NXPH1: variants seen among roughly 807,000 people sequenced by gnomAD.
NXPH1 encodes neurexophilin-1.
NXPH1 carries 5 observed loss-of-function variants against 23.7 expected under a neutral mutation model. That is an observed-to-expected ratio of 0.21 (90% CI 0.11 to 0.44). The LOEUF (loss-of-function observed/expected upper bound fraction) is 0.44, where lower values mean the gene tolerates loss of function less well. Ranked by LOEUF, NXPH1 falls within the 20% of genes least tolerant of loss-of-function variation. The pLI is 0.99. For synonymous variants in NXPH1, 144 were observed against 122.2 expected (o/e 1.18, Z -1.18); for missense variants, 324 against 321.6 (o/e 1.01, Z -0.06).
At chr7:8,719,595 A>C (rs1431035776) in intron 2 of NXPH1, among the ~76,000 whole-genome samples, 1 of 152,200 alleles carries the variant, frequency 6.6e-6, no homozygotes, top group African/African-American at 2.4e-5. Flanking sequence ...AAAAGATAAC[A>C]GTGTTCTGGT....
chr7:8,490,437 A>C (rs1817230081), intron 2 of NXPH1, among the ~76,000 whole-genome samples: 1 of 151,714 alleles, frequency 6.6e-6, no homozygotes, highest in Non-Finnish European at 1.5e-5. Context: ...GCAAATTGTA[A>C]ATTTAATTAG....
At chr7:8,546,084 C>G (rs1252671533) in intron 2 of NXPH1, among the ~76,000 whole-genome samples, 1 of 151,400 alleles carries the variant, frequency 6.6e-6, no homozygotes, top group Non-Finnish European at 1.5e-5. Flanking sequence ...TAAATTTGCT[C>G]TTAGTGTGTA....
chr7:8,501,747 A>G (rs1817438861), intron 2 of NXPH1, among the ~76,000 whole-genome samples: 1 of 152,088 alleles, frequency 6.6e-6, no homozygotes, highest in African/African-American at 2.4e-5. Context: ...AATGAAGAAA[A>G]TGAAAACCAG....
intron 2 of NXPH1, among the ~76,000 whole-genome samples, chr7:8,642,849 CT>C (rs199774206): frequency 3.4e-5 from 5 of 149,136 alleles, no homozygotes; most frequent in East Asian, 2.0e-4. Flanking sequence ...TGGGCATATA[CT>C]TTTTTTTTTC....
intron 2 of NXPH1, among the ~76,000 whole-genome samples, chr7:8,617,456 A>G (rs1819769161): frequency 1.3e-5 from 2 of 152,124 alleles, no homozygotes; most frequent in Non-Finnish European, 2.9e-5. Flanking sequence ...TATATATACA[A>G]TGGAGTACTA....
At chr7:8,611,620 A>G (rs1352653766) in intron 2 of NXPH1, among the ~76,000 whole-genome samples, 1 of 152,136 alleles carries the variant, frequency 6.6e-6, no homozygotes, top group Non-Finnish European at 1.5e-5. Context: ...AGGGAAAGAA[A>G]AATTTTAAAG....
At chr7:8,696,581 C>T (rs892570240) in intron 2 of NXPH1, among the ~76,000 whole-genome samples, 2 of 152,196 alleles carry the variant, frequency 1.3e-5, no homozygotes, top group Middle Eastern at 3.4e-3. Context: ...GTCAGTCATA[C>T]AAATATATGT....
chr7:8,623,125 G>A (rs1269237525), intron 2 of NXPH1, among the ~76,000 whole-genome samples: 1 of 152,130 alleles, frequency 6.6e-6, no homozygotes, highest in Non-Finnish European at 1.5e-5. Context: ...GTCAGGGCCA[G>A]CTTGAGGAAG....
chr7:8,679,858 T>C (rs943177388), intron 2 of NXPH1, among the ~76,000 whole-genome samples: 1 of 152,220 alleles, frequency 6.6e-6, no homozygotes, highest in African/African-American at 2.4e-5. Context: ...CTGTCTCTAC[T>C]AAAAATACAA....
At chr7:8,492,004 A>G (rs1411061899) in intron 2 of NXPH1, among the ~76,000 whole-genome samples, 1 of 151,992 alleles carries the variant, frequency 6.6e-6, no homozygotes, top group Non-Finnish European at 1.5e-5. Context: ...GTATGTTGAG[A>G]CATAATTTAT....
At chr7:8,561,377 C>CACACACACAT (rs1451756844) in intron 2 of NXPH1, among the ~76,000 whole-genome samples, 2 of 150,932 alleles carry the variant, frequency 1.3e-5, no homozygotes, top group Non-Finnish European at 3.0e-5. Flanking sequence ...CACACACACA[C>CACACACACAT]ACACACCTCT....
Position 8,748,639 on chromosome 7 carries a change from G to A in NXPH1, c.55-2369G>A, listed in dbSNP as rs139900328. 8.6e-3 allele frequency among the ~76,000 whole-genome samples: 1,307 copies of A among 152,260 alleles called. 7 individuals are homozygous for A. The highest frequency in any genetic ancestry group is 0.014 in the Non-Finnish European group (968 of 68,020). On this transcript the variant is annotated intron_variant, in intron 2 of 2. Transcript: ENST00000405863. ...TGGCCCTCTGCATCTTTCCATGAGG[G>A]CATTGCTATTGCCTTGGGGATCACA...
At chr7:8,673,562 T>C (rs1820904752) in intron 2 of NXPH1, among the ~76,000 whole-genome samples, 1 of 152,158 alleles carries the variant, frequency 6.6e-6, no homozygotes, top group Admixed American at 6.6e-5. Flanking sequence ...CTTTATTAGT[T>C]ACTAGCTGTA....
chr7:8,511,618 G>A (rs1051087612), intron 2 of NXPH1, among the ~76,000 whole-genome samples: 38 of 152,086 alleles, frequency 2.5e-4, no homozygotes, highest in African/African-American at 7.2e-4. Context: ...AAAGGATTTG[G>A]GGAAGACTTT....
At chr7:8,678,981 C>T (rs1392447723) in intron 2 of NXPH1, among the ~76,000 whole-genome samples, 11 of 94,474 alleles carry the variant, frequency 1.2e-4, no homozygotes, top group Non-Finnish European at 2.3e-4. Flanking sequence ...CGGAGTCTCG[C>T]TCTGTCACCC....
intron 2 of NXPH1, among the ~76,000 whole-genome samples, chr7:8,618,264 A>G (rs575935508): frequency 2.1e-3 from 316 of 152,258 alleles, no homozygotes; most frequent in African/African-American, 7.4e-3. Context: ...AGGAAATACA[A>G]CATTTAATTT....
At chr7:8,735,272 G>A (rs1004631900) in intron 2 of NXPH1, among the ~76,000 whole-genome samples, 6 of 152,160 alleles carry the variant, frequency 3.9e-5, no homozygotes, top group Non-Finnish European at 8.8e-5. Flanking sequence ...GACATTGGCT[G>A]TGGGTTTGTC....
chr7:8,706,115 T>C (rs986523205), intron 2 of NXPH1, among the ~76,000 whole-genome samples: 1 of 152,186 alleles, frequency 6.6e-6, no homozygotes, highest in Admixed American at 6.5e-5. Flanking sequence ...ATAGTCTCTA[T>C]GGTTTGGAGA....
chr7:8,441,667 T>C (rs1280357427), intron 2 of NXPH1, among the ~76,000 whole-genome samples: 1 of 152,102 alleles, frequency 6.6e-6, no homozygotes, highest in East Asian at 1.9e-4. Flanking sequence ...AGAGCGCCCG[T>C]CTCAATTACT....
Sources: allele counts gnomAD v4.1 joint callset (sites outside exome capture counted in the v4.1 genomes callset), GRCh38; gene constraint gnomAD v4.1.1; transcripts MANE v1.5; gene names NCBI Gene and HGNC (gene_info 2026-07-23, HGNC 2026-07-21).